Variants in LCLAT1 observed in about 807,000 individuals in gnomAD.
LCLAT1 encodes the protein lysocardiolipin acyltransferase 1.
A neutral mutation model predicts 30.7 loss-of-function variants in LCLAT1; 11 were observed. The observed-to-expected ratio is 0.36, with a 90% CI of 0.23 to 0.59. The LOEUF (loss-of-function observed/expected upper bound fraction) is 0.59. Ranked by LOEUF, LCLAT1 falls within the 20% of genes least tolerant of loss-of-function variation. The pLI, the probability that LCLAT1 is intolerant of heterozygous loss-of-function variation, is 0.77. For missense variants in LCLAT1, 402 were observed against 458.6 expected, an observed-to-expected ratio of 0.88 and a Z score of 1.13; for synonymous variants, 155 against 151.3, an observed-to-expected ratio of 1.02 and a Z score of -0.18.
intron 1 of LCLAT1, among the ~76,000 whole-genome samples, chr2:30,460,298 T>C (rs1014021512): frequency 6.6e-6 from 1 of 152,226 alleles, no homozygotes; most frequent in Non-Finnish European, 1.5e-5. Flanking sequence ...CAGTCTCAAT[T>C]TGATTAAAAC....
intron 5 of LCLAT1, among the ~76,000 whole-genome samples, chr2:30,634,170 A>T (rs1480573736): frequency 6.6e-6 from 1 of 152,268 alleles, no homozygotes; most frequent in African/African-American, 2.4e-5. Flanking sequence ...AGGTATAAAC[A>T]ACTATGGGCC....
At chr2:30,502,033 T>G (rs189484992) in intron 1 of LCLAT1, among the ~76,000 whole-genome samples, 2 of 152,330 alleles carry the variant, frequency 1.3e-5, no homozygotes, top group Non-Finnish European at 2.9e-5. Flanking sequence ...GGATATTTTT[T>G]GTTAATATGT....
chr2:30,490,179 C>A (rs1383497005), intron 1 of LCLAT1, among the ~76,000 whole-genome samples: 2 of 149,758 alleles, frequency 1.3e-5, no homozygotes, highest in Non-Finnish European at 3.0e-5. Context: ...ACAGTCTCAG[C>A]TAATTTAGGG....
rs140246241 is a variant in LCLAT1, at chr2:30,619,147, G to GCTA, written c.629-20969_629-20967dup. Among the ~76,000 whole-genome samples, 1,238 of 152,256 alleles carry GCTA rather than the reference G, an allele frequency of 8.1e-3. 10 individuals are homozygous for GCTA. The highest frequency in any genetic ancestry group is 0.011 in the Non-Finnish European group (777 of 68,000). On this transcript the variant is annotated intron_variant, in intron 5 of 5. Coordinates refer to ENST00000379509, the MANE Select transcript of LCLAT1 (RefSeq NM_001002257.3). Reference sequence around the variant, plus strand: ...TTGAGCATCTCTGCCCTAGTGAGCTGCTAGGAGTAGGAAAAAGGTTGAGAA... The same window carrying GCTA: ...TTGAGCATCTCTGCCCTAGTGAGCTGCTACTAGGAGTAGGAAAAAGGTTGAGAA...
chr2:30,505,219 C>T (rs1220240050), intron 1 of LCLAT1, among the ~76,000 whole-genome samples: 1 of 152,006 alleles, frequency 6.6e-6, no homozygotes, highest in Non-Finnish European at 1.5e-5. Context: ...TTCAGAATAG[C>T]AATACCTACT....
intron 3 of LCLAT1, among the ~76,000 whole-genome samples, chr2:30,537,371 G>C (rs1686300157): frequency 6.8e-6 from 1 of 147,464 alleles, no homozygotes; most frequent in African/African-American, 2.5e-5. Context: ...CTGGGCGACA[G>C]AGCGAGACTC....
intron 5 of LCLAT1, among the ~76,000 whole-genome samples, chr2:30,635,201 G>A (rs1470099391): frequency 1.3e-5 from 2 of 151,704 alleles, no homozygotes; most frequent in Admixed American, 1.3e-4. Context: ...AGACCAGTCT[G>A]AGTGACATAG....
intron 1 of LCLAT1, among the ~76,000 whole-genome samples, chr2:30,485,107 G>C (rs1683500740): frequency 6.6e-6 from 1 of 152,158 alleles, no homozygotes; most frequent in Non-Finnish European, 1.5e-5. Flanking sequence ...TCTTTCACCA[G>C]TGAATAATTG....
intron 1 of LCLAT1, among the ~76,000 whole-genome samples, chr2:30,481,683 G>A (rs1422434567): frequency 6.6e-6 from 1 of 152,154 alleles, no homozygotes; most frequent in Admixed American, 6.5e-5. Context: ...TGGTTTCAGT[G>A]GAATGGTAGA....
At chr2:30,499,101 T>G (rs1684245272) in intron 1 of LCLAT1, among the ~76,000 whole-genome samples, 1 of 152,220 alleles carries the variant, frequency 6.6e-6, no homozygotes, top group South Asian at 2.1e-4. Flanking sequence ...ATGATATTCT[T>G]TAACACCTTT....
At chr2:30,577,908 G>A (rs990205026) in intron 5 of LCLAT1, among the ~76,000 whole-genome samples, 9 of 152,020 alleles carry the variant, frequency 5.9e-5, no homozygotes, top group Non-Finnish European at 1.5e-5. Context: ...GTATTGTTAA[G>A]TAAACATCTG....
rs565387333 is a variant in LCLAT1 at position 30,562,570 on chromosome 2, A to G, written c.511+278A>G. ...ATCCCTAAGGTCACTCAGTTAATCA[A>G]TAGCATGTCAGGACTCAGAACTCTT... is the stretch of plus-strand genomic sequence containing the variant. On this transcript the variant is annotated intron_variant, in intron 4 of 5. Coordinates refer to ENST00000379509, the MANE Select transcript of LCLAT1 (RefSeq NM_001002257.3). Among the ~76,000 whole-genome samples the G allele has an allele frequency of 1.3e-3, 195 of 152,322 alleles. 1 individual carries two copies. The highest frequency in any genetic ancestry group is 2.2e-3 in the Non-Finnish European group (151 of 68,030).
chr2:30,558,112 A>T (rs1458045580), intron 3 of LCLAT1, among the ~76,000 whole-genome samples: 1 of 152,222 alleles, frequency 6.6e-6, no homozygotes, highest in African/African-American at 2.4e-5. Flanking sequence ...AGCGGGACAC[A>T]GAAAACACAA....
intron 1 of LCLAT1, among the ~76,000 whole-genome samples, chr2:30,491,400 G>A (rs1232074965): frequency 6.6e-6 from 1 of 152,158 alleles, no homozygotes; most frequent in Non-Finnish European, 1.5e-5. Context: ...ACTCATGGAG[G>A]CACAGTGAGG....
Position 30,537,374 on chromosome 2 carries a change from C to G in LCLAT1, c.364+4060C>G, listed in dbSNP as rs867443393. ...CCGCAGTCCGGCCTGGGCGACAGAGCGAGACTCCGTCTCAAAAAAAAAAAA... is the reference window on the plus strand; with the variant it reads ...CCGCAGTCCGGCCTGGGCGACAGAGGGAGACTCCGTCTCAAAAAAAAAAAA... On this transcript the variant is annotated intron_variant, in intron 3 of 5. Transcript: ENST00000379509. 1.6e-3 allele frequency among the ~76,000 whole-genome samples: 228 copies of G among 142,988 alleles called. 1 individual carries two copies. The highest frequency in any genetic ancestry group is 5.7e-3 in the African/African-American group (220 of 38,318). 93.8% of individuals were successfully genotyped at this position (142,988 alleles called of 152,430 possible). A position where few individuals can be genotyped will look rare whatever the true frequency, so the allele number is the denominator to read the frequency against.
At chr2:30,581,798 A>G (rs1455676874) in intron 5 of LCLAT1, among the ~76,000 whole-genome samples, 2 of 152,220 alleles carry the variant, frequency 1.3e-5, no homozygotes, top group South Asian at 2.1e-4. Flanking sequence ...TGGATACAAC[A>G]GCACAGCTAG....
At chr2:30,519,290 G>A (rs182756048) in intron 1 of LCLAT1, among the ~76,000 whole-genome samples, 42 of 152,204 alleles carry the variant, frequency 2.8e-4, no homozygotes, top group South Asian at 2.3e-3. Context: ...TTTAAATGGA[G>A]CCCCAGATGC....
intron 5 of LCLAT1, among the ~76,000 whole-genome samples, chr2:30,618,052 G>C (rs1251757767): frequency 6.6e-6 from 1 of 152,072 alleles, no homozygotes; most frequent in Admixed American, 6.6e-5. Context: ...GTAAGAAACT[G>C]TTGCCTAGTC....
rs935825704 is a variant in LCLAT1 at position 30,447,319 on chromosome 2, C to T, written c.-69C>T. On this transcript the variant is annotated 5_prime_UTR_variant, in exon 1 of 6. Transcript: ENST00000379509. ...GGGTTCCGCACGGAGGTTGTGACCC[C>T]TACGGAGCCCCAGCTTGCCCACGCA... 3 of 152,128 alleles carry T rather than the reference C, an allele frequency of 2.0e-5. No individual in the cohort carries two copies. Among genetic ancestry groups the T allele is most frequent in the Non-Finnish European group, 4.4e-5 (3 of 68,096 alleles). 9.4% of individuals were successfully genotyped at this position (152,128 alleles called of 1,614,324 possible). A position where few individuals can be genotyped will look rare whatever the true frequency, so the allele number is the denominator to read the frequency against.
Sources: allele counts gnomAD v4.1 joint callset (sites outside exome capture counted in the v4.1 genomes callset), GRCh38; gene constraint gnomAD v4.1.1; transcripts MANE v1.5; gene names NCBI Gene and HGNC (gene_info 2026-07-23, HGNC 2026-07-21).